Variants in ZNF362 observed in about 807,000 individuals in gnomAD.
ZNF362 encodes zinc finger protein 362.
ZNF362 carries 11 observed loss-of-function variants against 42.9 expected under a neutral mutation model. That is an observed-to-expected ratio of 0.26 (90% CI 0.16 to 0.42). ZNF362 has a LOEUF of 0.42. ZNF362 is among the 20% of genes least tolerant of loss of function. The probability of loss-of-function intolerance (pLI) is 1.00; values close to 1 mark genes in which losing one functional copy is unlikely to be tolerated. For missense variants in ZNF362, 362 were observed against 576.2 expected (o/e 0.63, Z 3.81); for synonymous variants, 255 against 257.3 (o/e 0.99, Z 0.09).
In ZNF362 at chr1:33,266,985, G is replaced by T. The variant is rs1645869267; in HGVS notation, c.-88-3502G>T. Among the ~76,000 whole-genome samples, 2 of 152,268 alleles carry T rather than the reference G, an allele frequency of 1.3e-5. No individual in the cohort carries two copies. Among genetic ancestry groups the T allele is most frequent in the East Asian group, 3.9e-4 (2 of 5,168 alleles). ...AGCGCCCTGGGAAGGCTCTCCTTCGGCTTGGTCCTCCCCGCTGGGGCCCCT... is the reference window on the plus strand; with the variant it reads ...AGCGCCCTGGGAAGGCTCTCCTTCGTCTTGGTCCTCCCCGCTGGGGCCCCT... On this transcript the variant is annotated intron_variant, in intron 1 of 8. Coordinates refer to ENST00000539719, the MANE Select transcript of ZNF362 (RefSeq NM_152493.3). This position sits in a 1 kb window ranked among gnomAD's most constrained non-coding sequence, Gnocchi z 4.3.
the ZNF362 span, chr1:33,147,685 C>G: frequency 6.2e-7 from 1 of 1,613,478 alleles, no homozygotes; most frequent in Non-Finnish European, 8.5e-7. The surrounding 1 kb of genome is among the most constrained non-coding windows in gnomAD (Gnocchi z 8.1). Flanking sequence ...CAGGATCAGG[C>G]GCTGGTGGGC....
chr1:33,145,224 G>C, the ZNF362 span, among the ~76,000 whole-genome samples: 2 of 152,126 alleles, frequency 1.3e-5, no homozygotes, highest in African/African-American at 4.8e-5. Flanking sequence ...ATGGGATATG[G>C]GACCCCAGGT....
the ZNF362 span, among the ~76,000 whole-genome samples, chr1:33,244,759 T>C: frequency 6.6e-6 from 1 of 152,098 alleles, no homozygotes; most frequent in African/African-American, 2.4e-5. This position sits in a 1 kb window ranked among gnomAD's most constrained non-coding sequence, Gnocchi z 4.0. Context: ...CCTCATAGGA[T>C]TGTGGTGAGG....
the ZNF362 span, among the ~76,000 whole-genome samples, chr1:33,230,629 A>G: frequency 1.3e-5 from 2 of 152,232 alleles, no homozygotes; most frequent in Non-Finnish European, 2.9e-5. Flanking sequence ...TGATCTGTGC[A>G]TACCTTGATG....
rs1645865618 is a variant in ZNF362 at position 33,266,486 on chromosome 1, G to A, written c.-88-4001G>A. ...GGAGAAGGCAGGGGACCATGGGAGT[G>A]TATAACAGGGTAGCCCAATTCCTAT... On this transcript the variant is annotated intron_variant, in intron 1 of 8. Coordinates refer to ENST00000539719, the MANE Select transcript of ZNF362 (RefSeq NM_152493.3). This position sits in a 1 kb window ranked among gnomAD's most constrained non-coding sequence, Gnocchi z 4.3. Among the ~76,000 whole-genome samples the A allele has an allele frequency of 6.6e-6, 1 of 152,198 alleles. No individual in the cohort carries two copies. The highest frequency in any genetic ancestry group is 6.5e-5 in the Admixed American group (1 of 15,286).
At chr1:33,153,254 C>T in the ZNF362 span, among the ~76,000 whole-genome samples, 3 of 152,164 alleles carry the variant, frequency 2.0e-5, no homozygotes, top group African/African-American at 4.8e-5. Flanking sequence ...TTCACAGGCC[C>T]CACAGACAAA....
At chr1:33,295,485 C>T (rs1646115906) in intron 8 of ZNF362, among the ~76,000 whole-genome samples, 180 bp downstream of exon 8, 2 of 152,228 alleles carry the variant, frequency 1.3e-5, no homozygotes, top group Non-Finnish European at 2.9e-5. Flanking sequence ...CTTTTGCTTC[C>T]CACTTCTGGT....
chr1:33,218,932 TAC>T, the ZNF362 span, among the ~76,000 whole-genome samples: 4,860 of 121,008 alleles, frequency 0.04, 137 homozygotes, highest in African/African-American at 0.08. Flanking sequence ...GAGCTGGACA[TAC>T]ACACACACAC....
the ZNF362 span, among the ~76,000 whole-genome samples, chr1:33,247,623 G>C: frequency 6.6e-6 from 1 of 152,220 alleles, no homozygotes; most frequent in Non-Finnish European, 1.5e-5. Flanking sequence ...TACTGCAAAT[G>C]GTAATTAAGA....
the ZNF362 span, among the ~76,000 whole-genome samples, chr1:33,233,588 G>A: frequency 6.6e-6 from 1 of 152,136 alleles, no homozygotes; most frequent in Non-Finnish European, 1.5e-5. Flanking sequence ...ATTTTTCGTA[G>A]AGACGGGGTT....
intron 2 of ZNF362, among the ~76,000 whole-genome samples, chr1:33,275,888 G>C (rs546525395): frequency 1.3e-5 from 2 of 152,260 alleles, no homozygotes; most frequent in South Asian, 4.1e-4. Context: ...ACTAAGGGGG[G>C]GTGGTGGGGG....
the ZNF362 span, among the ~76,000 whole-genome samples, chr1:33,149,889 T>C: frequency 1.3e-5 from 2 of 152,308 alleles, no homozygotes; most frequent in South Asian, 4.1e-4. Flanking sequence ...CTCCCTTGTG[T>C]GTCCAGAGCC....
chr1:33,177,244 A>T, the ZNF362 span, among the ~76,000 whole-genome samples: 1 of 152,212 alleles, frequency 6.6e-6, no homozygotes, highest in Non-Finnish European at 1.5e-5. The surrounding 1 kb of genome is among the most constrained non-coding windows in gnomAD (Gnocchi z 4.1). Context: ...TACATTATAC[A>T]GCTCTGCTTC....
At chr1:33,173,296 G>T in the ZNF362 span, among the ~76,000 whole-genome samples, 1 of 152,176 alleles carries the variant, frequency 6.6e-6, no homozygotes, top group East Asian at 1.9e-4. Context: ...CACAGTGCTT[G>T]GTCCATAATG....
At chr1:33,154,811 T>C in the ZNF362 span, among the ~76,000 whole-genome samples, 2 of 103,384 alleles carry the variant, frequency 1.9e-5, no homozygotes, top group African/African-American at 7.7e-5. Flanking sequence ...AAAAAAAAAG[T>C]GGCCAGGCGC....
intron 3 of ZNF362, 53 bp downstream of exon 3, chr1:33,276,216 C>T (rs2148095725): frequency 6.2e-7 from 1 of 1,606,660 alleles, no homozygotes; most frequent in East Asian, 2.2e-5. Flanking sequence ...CGCTGCTTCG[C>T]TTCCCCTGGG....
chr1:33,297,511 C>CTTTTTTTTTTTTTTTTTTTTTTTTTT lies in ZNF362; in HGVS notation c.1147-1418_1147-1417insTTTTTTTTTTTTTTTTTTTTTTTTTT, dbSNP rs776504622. Among the ~76,000 whole-genome samples, 10 of 78,906 alleles carry CTTTTTTTTTTTTTTTTTTTTTTTTTT rather than the reference C, an allele frequency of 1.3e-4. 4 individuals are homozygous for CTTTTTTTTTTTTTTTTTTTTTTTTTT. Among genetic ancestry groups the CTTTTTTTTTTTTTTTTTTTTTTTTTT allele is most frequent in the Non-Finnish European group, 1.2e-4 (5 of 43,472 alleles). The allele number at this position is 78,906 out of a possible 152,430, so 51.8% of individuals were successfully genotyped here. A position where few individuals can be genotyped will look rare whatever the true frequency, so the allele number is the denominator to read the frequency against. ...ATGATTTGGTGTATTTACATGATTC[C>CTTTTTTTTTTTTTTTTTTTTTTTTTT]TCTTTTTTTTTTTTTTTTTGAGACG... On this transcript the variant is annotated intron_variant, in intron 8 of 8. Coordinates refer to ENST00000539719, the MANE Select transcript of ZNF362 (RefSeq NM_152493.3).
the ZNF362 span, among the ~76,000 whole-genome samples, chr1:33,166,478 A>G: frequency 2.0e-5 from 3 of 152,146 alleles, no homozygotes; most frequent in Non-Finnish European, 2.9e-5. Flanking sequence ...CGAGGGCTAC[A>G]GTGGGCTGGG....
the ZNF362 span, chr1:33,159,606 C>G: frequency 4.0e-6 from 6 of 1,494,940 alleles, no homozygotes; most frequent in Non-Finnish European, 5.3e-6. The surrounding 1 kb of genome is among the most constrained non-coding windows in gnomAD (Gnocchi z 4.2). Context: ...GCTAAGGATC[C>G]CATCTGCCTC....
Sources: allele counts gnomAD v4.1 joint callset (sites outside exome capture counted in the v4.1 genomes callset), GRCh38; gene constraint gnomAD v4.1.1; non-coding constraint Gnocchi (gnomAD v3.1); transcripts MANE v1.5; gene names NCBI Gene and HGNC (gene_info 2026-07-23, HGNC 2026-07-21).